Variants in TMEM260 observed in about 807,000 individuals in gnomAD.
The protein encoded by TMEM260 is protein O-mannosyl-transferase TMEM260.
A neutral mutation model predicts 88.9 loss-of-function variants in TMEM260; 82 were observed. The ratio of observed to expected loss-of-function variants is 0.92; its 90% CI spans 0.77 to 1.11. The LOEUF (loss-of-function observed/expected upper bound fraction) is 1.11, where lower values mean the gene tolerates loss of function less well. TMEM260 is among the 50% of genes least tolerant of loss of function. The probability of loss-of-function intolerance (pLI) is 0.00; values close to 1 mark genes in which losing one functional copy is unlikely to be tolerated. For synonymous variants in TMEM260, 314 were observed against 309.3 expected (o/e 1.02, Z -0.16); for missense variants, 902 against 853.4 (o/e 1.06, Z -0.71).
In TMEM260 at chr14:56,635,685, T is replaced by A. The variant is rs192414663; in HGVS notation, c.1778+733T>A. Among the ~76,000 whole-genome samples the A allele has an allele frequency of 3.7e-4, 57 of 152,304 alleles. 1 individual carries two copies. The highest frequency in any genetic ancestry group is 1.3e-3 in the African/African-American group (54 of 41,566). ...CCTAAGTAGTGCAGACGGAGTATCT[T>A]GTACATAAGGAGTGCTTCCTTCAGC... On this transcript the variant is annotated intron_variant, in intron 14 of 15. Transcript: ENST00000261556.
At chr14:56,601,811 G>C (rs147333160) in intron 3 of TMEM260, among the ~76,000 whole-genome samples, 45 of 152,188 alleles carry the variant, frequency 3.0e-4, no homozygotes, top group African/African-American at 1.0e-3. Flanking sequence ...CCCAGTGGGA[G>C]CCTCTTTAAG....
rs1889742034 is a variant in TMEM260 at position 56,643,409 on chromosome 14, C to T, written c.1870-3834C>T. ...TATAAACAGAACCAAAGACAAAAACCACATGATTATCTCAATAGATGCAGA... is the reference window on the plus strand; with the variant it reads ...TATAAACAGAACCAAAGACAAAAACTACATGATTATCTCAATAGATGCAGA... On this transcript the variant is annotated intron_variant, in intron 15 of 15. Transcript: ENST00000261556. Among the ~76,000 whole-genome samples, 3 of 152,184 alleles carry T rather than the reference C, an allele frequency of 2.0e-5. No individual in the cohort carries two copies. In the South Asian group the frequency reaches 6.2e-4, roughly 32 times the overall value.
intron 3 of TMEM260, among the ~76,000 whole-genome samples, chr14:56,594,442 T>C (rs1317875083): frequency 6.6e-6 from 1 of 152,244 alleles, no homozygotes; most frequent in Non-Finnish European, 1.5e-5. Context: ...TATTAACTCC[T>C]TAGTTGCTTT....
chr14:56,634,356 ATCT>A (rs770775170), intron 13 of TMEM260, among the ~76,000 whole-genome samples: 25 of 152,158 alleles, frequency 1.6e-4, no homozygotes, highest in Non-Finnish European at 2.8e-4. Context: ...CTTCCTGTTA[ATCT>A]TCTGTTTGCT....
At chr14:56,627,593 C>T (rs1318881411) in intron 12 of TMEM260, among the ~76,000 whole-genome samples, 1 of 152,006 alleles carries the variant, frequency 6.6e-6, no homozygotes, top group Non-Finnish European at 1.5e-5. Context: ...AGTATAGATT[C>T]TCAGAAGTAA....
Position 56,593,529 on chromosome 14 carries a change from C to T in TMEM260, c.344+7617C>T, listed in dbSNP as rs553017187. On this transcript the variant is annotated intron_variant, in intron 3 of 15. Coordinates refer to ENST00000261556, the MANE Select transcript of TMEM260 (RefSeq NM_017799.4). ...AAAGTATAAAATTATTTATATAAAA[C>T]AAAATGTACTTAAATGACTTTTGGA... Among the ~76,000 whole-genome samples, 63 of 151,810 alleles carry T rather than the reference C, an allele frequency of 4.1e-4. No homozygotes were observed. The East Asian group carries it at 0.01, about 25-fold the overall frequency.
At chr14:56,656,211 G>A in the TMEM260 span, among the ~76,000 whole-genome samples, 371 of 152,226 alleles carry the variant, frequency 2.4e-3, no homozygotes, top group Admixed American at 5.7e-3. Context: ...GAGGCCAGGA[G>A]TTTGAGACCA....
In TMEM260 at chr14:56,636,514, A is replaced by AACACCGTTCTTCATCTTT. The variant is rs1347920266; in HGVS notation, c.1787_1804dup (p.Thr596_Phe601dup). 2.5e-6 allele frequency: 4 copies of AACACCGTTCTTCATCTTT among 1,613,758 alleles called. No homozygotes were observed. The East Asian group carries it at 6.7e-5, about 27-fold the overall frequency. ...TTCCTATCCCCACCCCCAGGATGAAAACACCGTTCTTCATCTTTAACCTGG... is the reference window on the plus strand; with the variant it reads ...TTCCTATCCCCACCCCCAGGATGAAAACACCGTTCTTCATCTTTACACCGTTCTTCATCTTTAACCTGG... On this transcript the variant is annotated inframe_insertion, in exon 15 of 16. Coordinates refer to ENST00000261556, the MANE Select transcript of TMEM260 (RefSeq NM_017799.4).
At chr14:56,651,307 T>A (rs1364174901), downstream of TMEM260, among the ~76,000 whole-genome samples, 2 of 149,236 alleles carry the variant, frequency 1.3e-5, no homozygotes, top group African/African-American at 2.5e-5. Flanking sequence ...GAATATATCC[T>A]GAAAAAGGGG....
chr14:56,598,973 T>C (rs1886405152), intron 3 of TMEM260, among the ~76,000 whole-genome samples: 1 of 152,228 alleles, frequency 6.6e-6, no homozygotes, highest in African/African-American at 2.4e-5. Flanking sequence ...CAGTAGAGTC[T>C]AATCTTGCTT....
chr14:56,586,596 G>A (rs1885520083), intron 3 of TMEM260, among the ~76,000 whole-genome samples: 1 of 151,938 alleles, frequency 6.6e-6, no homozygotes, highest in African/African-American at 2.4e-5. Flanking sequence ...ATACCTAAGA[G>A]GATTATAGTG....
chr14:56,628,297 C>T (rs1888362287), intron 12 of TMEM260, among the ~76,000 whole-genome samples: 2 of 152,070 alleles, frequency 1.3e-5, no homozygotes, highest in Non-Finnish European at 2.9e-5. Flanking sequence ...TTTGAAAGTT[C>T]TGTTTATATT....
At chr14:56,634,535 C>A (rs913744) in intron 13 of TMEM260, among the ~76,000 whole-genome samples, 5 of 152,034 alleles carry the variant, frequency 3.3e-5, no homozygotes, top group African/African-American at 7.3e-5. Flanking sequence ...CAGTTATGAC[C>A]TATCCATTGC....
At chr14:56,655,004 G>A (rs10136098), downstream of TMEM260, among the ~76,000 whole-genome samples, 6,215 of 152,156 alleles carry the variant, frequency 0.041, 210 homozygotes, top group Middle Eastern at 0.13. Flanking sequence ...AGTAAAAATA[G>A]TAATAATAGC....
At chr14:56,638,764 C>T (rs752650945) in intron 15 of TMEM260, among the ~76,000 whole-genome samples, 14 of 151,962 alleles carry the variant, frequency 9.2e-5, no homozygotes, top group Non-Finnish European at 1.6e-4. Context: ...ATAGCTCATA[C>T]AGAATATTAA....
chr14:56,582,788 C>A (rs1412868771), intron 1 of TMEM260, among the ~76,000 whole-genome samples: 1 of 152,132 alleles, frequency 6.6e-6, no homozygotes, highest in South Asian at 2.1e-4. Context: ...TATTCCCTTC[C>A]TCTTTATCAC....
rs768486752 is a variant in TMEM260 at position 56,602,769 on chromosome 14, CAAAGT to C, written c.345-1042_345-1038del. 3.9e-5 allele frequency among the ~76,000 whole-genome samples: 6 copies of C among 151,900 alleles called. No individual in the cohort carries two copies. In the South Asian group the frequency reaches 6.2e-4, roughly 16 times the overall value. On this transcript the variant is annotated intron_variant, in intron 3 of 15. Coordinates refer to ENST00000261556, the MANE Select transcript of TMEM260 (RefSeq NM_017799.4). The stretch of plus-strand genomic sequence containing the variant: ...AACAAATAAATTGCAAACAGAAAAT[CAAAGT>C]AAAAACAGGTTTACTGATATTGAGA...
At chr14:56,587,977 A>C (rs1182566057) in intron 3 of TMEM260, among the ~76,000 whole-genome samples, 1 of 152,092 alleles carries the variant, frequency 6.6e-6, no homozygotes, top group Non-Finnish European at 1.5e-5. Flanking sequence ...TTCTTCTGTG[A>C]ATATAAACCC....
intron 3 of TMEM260, among the ~76,000 whole-genome samples, chr14:56,600,025 A>G (rs1383046661): frequency 6.6e-6 from 1 of 152,256 alleles, no homozygotes; most frequent in Non-Finnish European, 1.5e-5. Context: ...AATAAGCAGT[A>G]AATAGCCCAC....
Sources: gnomAD v4.1 joint callset for allele counts (sites outside exome capture counted in the v4.1 genomes callset) on GRCh38, gnomAD v4.1.1 for gene constraint, MANE v1.5 for transcripts, NCBI Gene and HGNC (gene_info 2026-07-23, HGNC 2026-07-21) for gene names.